The following AKAP17A variants were observed in gnomAD, a reference collection of about 807,000 sequenced individuals.
AKAP17A encodes the protein A-kinase anchor protein 17A.
AKAP17A carries 15 observed loss-of-function variants against 52.2 expected under a neutral mutation model. That is an observed-to-expected ratio of 0.29 (90% CI 0.19 to 0.44). AKAP17A has a LOEUF of 0.44. AKAP17A is among the 20% of genes least tolerant of loss of function. AKAP17A has a pLI of 1.00. For missense variants in AKAP17A, 1,060 were observed against 1,007.0 expected, an observed-to-expected ratio of 1.05 and a Z score of -0.71; for synonymous variants, 514 against 424.7, an observed-to-expected ratio of 1.21 and a Z score of -2.58.
intron 2 of AKAP17A, among the ~76,000 whole-genome samples, 172 bp from the exon 3 acceptor site, chrX:1,595,212 C>T (rs1932920458): frequency 6.6e-6 from 1 of 150,884 alleles, no homozygotes; most frequent in Admixed American, 6.6e-5. Context: ...ATTGGTTTGG[C>T]TTCTGGGCTC....
At chrX:1,592,379 C>T (rs1932853566) in intron 1 of AKAP17A, among the ~76,000 whole-genome samples, 1 of 151,844 alleles carries the variant, frequency 6.6e-6, no homozygotes, top group South Asian at 2.1e-4. Context: ...AGGGGCAATG[C>T]CGCGTACTGG....
intron 3 of AKAP17A, among the ~76,000 whole-genome samples, chrX:1,597,914 C>T (rs1346489820): frequency 6.6e-6 from 1 of 152,126 alleles, no homozygotes; most frequent in Admixed American, 6.5e-5. Flanking sequence ...GGGAGCTGGC[C>T]AGGAGGGCTC....
At chrX:1,598,972 G>C (rs1933186671) in intron 3 of AKAP17A, among the ~76,000 whole-genome samples, 1 of 152,186 alleles carries the variant, frequency 6.6e-6, no homozygotes, top group Non-Finnish European at 1.5e-5. Context: ...GTCACACTTA[G>C]CAGGACGGTG....
intron 4 of AKAP17A, chrX:1,599,762 C>A: frequency 3.3e-6 from 2 of 609,476 alleles, no homozygotes; most frequent in South Asian, 4.0e-5. Flanking sequence ...GGGGGCCGCT[C>A]CCTCTGGCCC....
chrX:1,599,194 A>G lies in AKAP17A; in HGVS notation c.914A>G (p.Lys305Arg). The change falls in exon 4 of 5, where the codon AAA becomes AGA. Residue 305 changes from lysine (K) to arginine (R), a missense_variant and splice_region_variant. Transcript: ENST00000313871. ...CACCCCCGGTGTGTTCCACACAGGA[A>G]ACAAAAGGAGCTGGAAGAGCTGGAG... ...AEERQRAEER[K>R]QKELEELERE... The G allele has an allele frequency of 6.2e-7, 1 of 1,611,654 alleles. No individual in the cohort carries two copies. The highest frequency in any genetic ancestry group is 8.5e-7 in the Non-Finnish European group (1 of 1,179,702).
Position 1,600,785 on chromosome X carries a change from C to T in AKAP17A, c.1279C>T (p.Leu427=), listed in dbSNP as rs1227583123. ...VEEEKERALG[L]QRKERELRER... ...GGAGGAGAAGGAGCGCGCGCTGGGC[C>T]TGCAGCGGAAAGAGCGGGAGCTGCG... Residue 427 remains leucine (L), a synonymous_variant, in exon 5 of 5, where the codon CTG becomes TTG. Transcript: ENST00000313871. The T allele has an allele frequency of 2.5e-6, 4 of 1,582,386 alleles. No individual in the cohort carries two copies. Among genetic ancestry groups the T allele is most frequent in the Non-Finnish European group, 3.4e-6 (4 of 1,169,016 alleles).
intron 4 of AKAP17A, chrX:1,599,868 AG>A (rs777258105): frequency 3.4e-6 from 2 of 585,102 alleles, no homozygotes; most frequent in East Asian, 2.9e-5. Context: ...GAGCGCACAG[AG>A]GGGGCCTGCC....
chrX:1,596,400 C>G (rs1294146500), intron 3 of AKAP17A, among the ~76,000 whole-genome samples: 30 of 151,900 alleles, frequency 2.0e-4, no homozygotes, highest in Non-Finnish European at 3.5e-4. Flanking sequence ...GAACCAACAA[C>G]TTTCTGTGAA....
chrX:1,597,826 A>T (rs1476485665), intron 3 of AKAP17A, among the ~76,000 whole-genome samples: 4 of 151,854 alleles, frequency 2.6e-5, no homozygotes, highest in African/African-American at 9.7e-5. Flanking sequence ...GATTGGGGGA[A>T]GCGGGGCCGG....
In AKAP17A at chrX:1,601,521, G is replaced by GCCGCCA. The variant is rs770224569; in HGVS notation, c.2021_2026dup (p.His674_Arg675dup). The GCCGCCA allele has an allele frequency of 6.7e-7, 1 of 1,492,604 alleles. No individual in the cohort carries two copies. The highest frequency in any genetic ancestry group is 1.3e-5 in the South Asian group (1 of 76,676). 92.5% of individuals were successfully genotyped at this position (1,492,604 alleles called of 1,614,324 possible). On this transcript the variant is annotated inframe_insertion, in exon 5 of 5. Transcript: ENST00000313871. The stretch of plus-strand genomic sequence containing the variant: ...AGGGGCAGCGCCAGCAGGAAGCACA[G>GCCGCCA]CCGCCACCGCCGCCGAAGCGAGCGG...
At chrX:1,600,161 G>T in intron 4 of AKAP17A, 1 of 1,304,706 alleles carries the variant, frequency 7.7e-7, no homozygotes, top group Non-Finnish European at 1.0e-6. Context: ...CCGGGAAGGA[G>T]CATGACAAGA....
chrX:1,600,091 C>G, intron 4 of AKAP17A: 1 of 1,191,568 alleles, frequency 8.4e-7, no homozygotes, highest in African/African-American at 1.6e-5. Flanking sequence ...CTGCGTCCCC[C>G]TGGAGTCCAA....
At chrX:1,599,676 G>A (rs1933244922) in intron 4 of AKAP17A, 4 of 667,430 alleles carry the variant, frequency 6.0e-6, no homozygotes, top group African/African-American at 1.8e-5. Flanking sequence ...GGTTCCCCGA[G>A]CAGGCTGGCA....
At chrX:1,599,603 C>G in intron 4 of AKAP17A, 171 bp downstream of exon 4, 1 of 930,656 alleles carries the variant, frequency 1.1e-6, no homozygotes, top group South Asian at 1.4e-5. Context: ...GTGTAGCGCT[C>G]GTCTGTCGTT....
At chrX:1,599,955 C>T (rs1314498953) in intron 4 of AKAP17A, 2 of 477,966 alleles carry the variant, frequency 4.2e-6, no homozygotes, top group African/African-American at 2.0e-5. Context: ...CCCCTCAGCA[C>T]CAAGAGCCTC....
At chrX:1,599,639 T>C in intron 4 of AKAP17A, 1 of 799,842 alleles carries the variant, frequency 1.3e-6, no homozygotes, top group Non-Finnish European at 2.1e-6. Context: ...GCTGTGACGG[T>C]TTCCTTTTGC....
chrX:1,599,281 T>G lies in AKAP17A; in HGVS notation c.1001T>G (p.Leu334Arg), dbSNP rs1473591247. ...KREQKQRDRE[L>R]RRNQKKLEKL... ...GAGCAGAAGCAGAGGGACCGTGAGC[T>G]GCGCCGGAATCAGAAGAAGCTGGAG... is the stretch of plus-strand genomic sequence containing the variant. Residue 334 changes from leucine (L) to arginine (R), a missense_variant, in exon 4 of 5, where the codon CTG becomes CGG. Leu to Arg is a moderately radical substitution (Grantham distance 102). This residue lies in a region of AKAP17A where 793 missense variants were observed against 629.9 expected (regional missense o/e 1.26). Coordinates refer to ENST00000313871, the MANE Select transcript of AKAP17A (RefSeq NM_005088.3). 6.2e-7 allele frequency: 1 copy of G among 1,611,892 alleles called. No individual in the cohort carries two copies. The highest frequency in any genetic ancestry group is 8.5e-7 in the Non-Finnish European group (1 of 1,179,570).
intron 4 of AKAP17A, chrX:1,600,001 T>G (rs768849191): frequency 2.0e-6 from 1 of 493,340 alleles, no homozygotes; most frequent in Admixed American, 2.7e-5. Context: ...GTAACTCCCA[T>G]GAGCCCGGGG....
intron 1 of AKAP17A, among the ~76,000 whole-genome samples, chrX:1,593,083 C>G (rs1932866997): frequency 6.6e-6 from 1 of 152,138 alleles, no homozygotes; most frequent in African/African-American, 2.4e-5. Flanking sequence ...GCGTTTGTAG[C>G]GTCCCCGTTC....
Sources: allele counts gnomAD v4.1 joint callset (sites outside exome capture counted in the v4.1 genomes callset), GRCh38; gene constraint gnomAD v4.1.1; regional missense constraint gnomAD v4.1.1; transcripts MANE v1.5; gene names NCBI Gene and HGNC (gene_info 2026-07-23, HGNC 2026-07-21).